Variants in ERI3 observed in about 807,000 individuals in gnomAD.
ERI3 encodes ERI1 exoribonuclease family member 3.
In ERI3, 18 loss-of-function variants were observed where a neutral mutation model predicts 44.4. The observed-to-expected ratio is 0.41, with a 90% CI of 0.28 to 0.60. The LOEUF is 0.60. ERI3 is among the 20% of genes least tolerant of loss of function. ERI3 has a pLI of 0.36. For synonymous variants in ERI3, 183 were observed against 164.8 expected (o/e 1.11, Z -0.84); for missense variants, 294 against 435.5 (o/e 0.68, Z 2.89).
In ERI3 at chr1:44,241,842, A is replaced by G; in HGVS notation, c.931+6097T>C. 1 of 405,282 alleles carries G rather than the reference A, an allele frequency of 2.5e-6. No individual in the cohort carries two copies. The highest frequency in any genetic ancestry group is 1.0e-4 in the South Asian group (1 of 9,742). 25.1% of individuals were successfully genotyped at this position (405,282 alleles called of 1,614,324 possible). On this transcript the variant is annotated intron_variant, in intron 8 of 8. Transcript: ENST00000372257. This position sits in a 1 kb window ranked among gnomAD's most constrained non-coding sequence, Gnocchi z 5.6. ...TACATACATACATACATACATACATACATACATACAGGAGAACCTTCTTCC... is the reference window on the plus strand; with the variant it reads ...TACATACATACATACATACATACATGCATACATACAGGAGAACCTTCTTCC...
chr1:44,325,159 C>A (rs1646284856), intron 3 of ERI3, among the ~76,000 whole-genome samples: 1 of 149,988 alleles, frequency 6.7e-6, no homozygotes. Context: ...CTCAATGTAA[C>A]CTCCGCCTCC....
At chr1:44,227,786 A>C (rs1181071421) in intron 8 of ERI3, among the ~76,000 whole-genome samples, 1 of 152,076 alleles carries the variant, frequency 6.6e-6, no homozygotes, top group African/African-American at 2.4e-5. Context: ...TTTGAATCCA[A>C]ACTCCACCAC....
chr1:44,355,065 C>G lies in ERI3; in HGVS notation c.-39G>C, dbSNP rs1169559321. ...CCTCGGGGCCAGCGCGGCAGGCTCC[C>G]TCCAGGTGCAGGCCCCGACGTCTCC... On this transcript the variant is annotated 5_prime_UTR_variant, in exon 1 of 9. Coordinates refer to ENST00000372257, the MANE Select transcript of ERI3 (RefSeq NM_024066.3). 7.5e-7 allele frequency: 1 copy of G among 1,333,114 alleles called. No homozygotes were observed. The highest frequency in any genetic ancestry group is 9.6e-7 in the Non-Finnish European group (1 of 1,037,530). 82.6% of individuals were successfully genotyped at this position (1,333,114 alleles called of 1,614,324 possible). A position where few individuals can be genotyped will look rare whatever the true frequency, so the allele number is the denominator to read the frequency against.
At chr1:44,289,486 T>C (rs556515829) in intron 6 of ERI3, among the ~76,000 whole-genome samples, 1 of 152,370 alleles carries the variant, frequency 6.6e-6, no homozygotes, top group African/African-American at 2.4e-5. Context: ...CTCAAGTTCC[T>C]TTATTACTCC....
intron 7 of ERI3, 82 bp from the exon 8 acceptor site, chr1:44,248,120 C>A (rs748133056): frequency 2.2e-5 from 19 of 859,738 alleles, no homozygotes; most frequent in Middle Eastern, 2.2e-4. Flanking sequence ...CCCCACCCCC[C>A]AAATCTTTCC....
At chr1:44,328,691 G>C (rs1646366495) in intron 3 of ERI3, among the ~76,000 whole-genome samples, 1 of 152,144 alleles carries the variant, frequency 6.6e-6, no homozygotes, top group African/African-American at 2.4e-5. Context: ...GGATGCTGCT[G>C]GTTCTCAGAC....
chr1:44,306,037 G>C (rs1273185628), intron 6 of ERI3, among the ~76,000 whole-genome samples: 1 of 152,192 alleles, frequency 6.6e-6, no homozygotes, highest in East Asian at 1.9e-4. Flanking sequence ...TTAGCTGTGC[G>C]CTGTCACGCA....
intron 3 of ERI3, among the ~76,000 whole-genome samples, chr1:44,333,005 A>G (rs1646462158): frequency 6.6e-6 from 1 of 152,278 alleles, no homozygotes; most frequent in Non-Finnish European, 1.5e-5. Context: ...AAGAAAGGCA[A>G]TAATTGCTCT....
intron 7 of ERI3, among the ~76,000 whole-genome samples, chr1:44,268,322 A>G (rs1176130231): frequency 6.6e-6 from 1 of 152,140 alleles, no homozygotes; most frequent in Non-Finnish European, 1.5e-5. Context: ...GGCAGAGCAC[A>G]GGACTCTTGC....
chr1:44,319,411 CA>C (rs1055795398), intron 4 of ERI3, among the ~76,000 whole-genome samples: 1 of 152,218 alleles, frequency 6.6e-6, no homozygotes, highest in Non-Finnish European at 1.5e-5. Context: ...GCTGGGGAAG[CA>C]GGGGTAGACT....
chr1:44,260,816 C>T (rs1644879156), intron 7 of ERI3, among the ~76,000 whole-genome samples: 1 of 151,208 alleles, frequency 6.6e-6, no homozygotes, highest in Admixed American at 6.6e-5. Context: ...ACCTGGAACG[C>T]TCAACTTCCC....
At chr1:44,345,844 G>C (rs563393971) in intron 2 of ERI3, among the ~76,000 whole-genome samples, 6 of 152,248 alleles carry the variant, frequency 3.9e-5, no homozygotes, top group Admixed American at 2.6e-4. Context: ...AAGAGAAAAG[G>C]ACTGCCCAAG....
intron 2 of ERI3, among the ~76,000 whole-genome samples, chr1:44,342,481 G>A (rs1347938350): frequency 6.6e-6 from 1 of 151,996 alleles, no homozygotes; most frequent in Non-Finnish European, 1.5e-5. Flanking sequence ...GAATTGGCAG[G>A]AAGAATGTGA....
intron 5 of ERI3, among the ~76,000 whole-genome samples, chr1:44,311,412 C>T (rs1341571418): frequency 1.3e-5 from 2 of 152,086 alleles, no homozygotes; most frequent in Admixed American, 1.3e-4. Context: ...TCTCCATAAC[C>T]AACTCAGGAC....
chr1:44,318,881 C>T (rs985314505), intron 4 of ERI3, among the ~76,000 whole-genome samples: 1 of 152,262 alleles, frequency 6.6e-6, no homozygotes, highest in Non-Finnish European at 1.5e-5. Flanking sequence ...TTGGCCACCA[C>T]TGAGTGCATT....
At chr1:44,242,765 C>A (rs1319909137) in intron 8 of ERI3, among the ~76,000 whole-genome samples, 1 of 152,172 alleles carries the variant, frequency 6.6e-6, no homozygotes, top group Non-Finnish European at 1.5e-5. Flanking sequence ...AAGACGGGGG[C>A]TGGCGTTTGG....
intron 6 of ERI3, among the ~76,000 whole-genome samples, chr1:44,303,382 C>T (rs1426700946): frequency 6.6e-6 from 1 of 152,238 alleles, no homozygotes; most frequent in African/African-American, 2.4e-5. Flanking sequence ...TACTAACAGT[C>T]CTCTGTTGTT....
chr1:44,294,978 G>GTACTCAAGACA (rs1463891118), intron 6 of ERI3, among the ~76,000 whole-genome samples: 7 of 152,166 alleles, frequency 4.6e-5, no homozygotes, highest in African/African-American at 1.7e-4. Flanking sequence ...TCTCATATAG[G>GTACTCAAGACA]TACTCAAGAC....
intron 8 of ERI3, chr1:44,243,577 C>T (rs903695785): frequency 1.3e-5 from 2 of 152,226 alleles, no homozygotes; most frequent in Non-Finnish European, 2.9e-5. Flanking sequence ...GAGGTGGCCC[C>T]TGGAAGATTA....
Sources: allele counts gnomAD v4.1 joint callset (sites outside exome capture counted in the v4.1 genomes callset), GRCh38; gene constraint gnomAD v4.1.1; non-coding constraint Gnocchi (gnomAD v3.1); transcripts MANE v1.5; gene names NCBI Gene and HGNC (gene_info 2026-07-23, HGNC 2026-07-21).